The following DTNB variants were observed in gnomAD, a reference collection of about 807,000 sequenced individuals.
The protein encoded by DTNB is DTN-B.
A neutral mutation model predicts 90.7 loss-of-function variants in DTNB; 63 were observed. That is an observed-to-expected ratio of 0.69 (90% CI 0.57 to 0.86). The LOEUF (loss-of-function observed/expected upper bound fraction) is 0.86, where lower values mean the gene tolerates loss of function less well. Ranked by LOEUF, DTNB falls within the 40% of genes least tolerant of loss-of-function variation. DTNB has a pLI of 0.00. For missense variants in DTNB, 744 were observed against 807.1 expected, an observed-to-expected ratio of 0.92 and a Z score of 0.95; for synonymous variants, 277 against 286.7, an observed-to-expected ratio of 0.97 and a Z score of 0.34.
chr2:25,645,609 T>G (rs1298041409), intron 2 of DTNB, among the ~76,000 whole-genome samples: 1 of 152,012 alleles, frequency 6.6e-6, no homozygotes, highest in East Asian at 1.9e-4. Context: ...ACCTGGCTAA[T>G]TTTTGTATTT....
intron 16 of DTNB, among the ~76,000 whole-genome samples, chr2:25,408,112 C>A (rs2045675971): frequency 6.6e-6 from 1 of 151,874 alleles, no homozygotes; most frequent in African/African-American, 2.4e-5. Context: ...TCGAGACTAG[C>A]CTGACCAACG....
At chr2:25,599,914 T>C (rs766555651) in intron 5 of DTNB, among the ~76,000 whole-genome samples, 2 of 150,090 alleles carry the variant, frequency 1.3e-5, no homozygotes, top group African/African-American at 2.5e-5. Flanking sequence ...CTGGGCAAGA[T>C]AGCAGGACCT....
chr2:25,392,608 A>G (rs1319811372), intron 16 of DTNB, among the ~76,000 whole-genome samples: 1 of 152,244 alleles, frequency 6.6e-6, no homozygotes, highest in Non-Finnish European at 1.5e-5. Flanking sequence ...TAAAGTTACC[A>G]TGAACACCTT....
intron 1 of DTNB, among the ~76,000 whole-genome samples, chr2:25,668,632 TTAA>T (rs2085079484): frequency 6.6e-6 from 1 of 152,274 alleles, no homozygotes; most frequent in Non-Finnish European, 1.5e-5. Flanking sequence ...ATGCAAGATG[TTAA>T]TAATAGGAGA....
intron 4 of DTNB, among the ~76,000 whole-genome samples, chr2:25,618,920 CA>C: frequency 6.6e-6 from 1 of 152,266 alleles, no homozygotes. Context: ...AGCTCTGTGC[CA>C]AGCTAAGCAG....
At chr2:25,524,425 G>A (rs973948437) in intron 9 of DTNB, among the ~76,000 whole-genome samples, 2 of 149,722 alleles carry the variant, frequency 1.3e-5, no homozygotes, top group Admixed American at 6.6e-5. Context: ...TTTTTGGTGG[G>A]GGGGGTGGTC....
At chr2:25,548,961 C>T (rs964588086) in intron 8 of DTNB, among the ~76,000 whole-genome samples, 5 of 152,200 alleles carry the variant, frequency 3.3e-5, no homozygotes, top group African/African-American at 1.2e-4. Context: ...CTTGTGCTGA[C>T]ACCAATTCTT....
chr2:25,630,819 G>A (rs1391843252), intron 3 of DTNB, among the ~76,000 whole-genome samples: 1 of 138,790 alleles, frequency 7.2e-6, no homozygotes, highest in Non-Finnish European at 1.5e-5. Context: ...ACTCCAGCCT[G>A]GGCAACAAGA....
Position 25,556,357 on chromosome 2 carries a change from C to T in DTNB, c.876+20481G>A, listed in dbSNP as rs150846355. Among the ~76,000 whole-genome samples, 422 of 152,164 alleles carry T rather than the reference C, an allele frequency of 2.8e-3. 1 individual carries two copies. Among genetic ancestry groups the T allele is most frequent in the African/African-American group, 9.8e-3 (408 of 41,492 alleles). On this transcript the variant is annotated intron_variant, in intron 8 of 20. Transcript: ENST00000406818. The stretch of plus-strand genomic sequence containing the variant: ...CACCTGCATTTATCTATTCATACTC[C>T]TACCAAGAATCTTCAAGAGTTCTCC...
At chr2:25,427,474 G>A (rs557301120) in intron 15 of DTNB, 61 bp downstream of exon 15, 43 of 1,519,528 alleles carry the variant, frequency 2.8e-5, no homozygotes, top group Non-Finnish European at 3.7e-5. Flanking sequence ...CAGGGAGGCA[G>A]CAGCTGAGGC....
chr2:25,574,588 T>C (rs372304000), intron 8 of DTNB, among the ~76,000 whole-genome samples: 2 of 152,208 alleles, frequency 1.3e-5, no homozygotes, highest in East Asian at 3.8e-4. Flanking sequence ...GAAACATTTG[T>C]TCAAAACGTT....
chr2:25,482,872 G>A lies in DTNB; in HGVS notation c.1003C>T (p.Pro335Ser). 6.2e-7 allele frequency: 1 copy of A among 1,601,228 alleles called. No individual in the cohort carries two copies. Among genetic ancestry groups the A allele is most frequent in the South Asian group, 1.1e-5 (1 of 90,020 alleles). Residue 335 changes from proline to serine, a missense_variant and splice_region_variant, in exon 10 of 21, where the codon CCT becomes TCT. Pro to Ser is a moderately conservative substitution (Grantham distance 74). Transcript: ENST00000406818. ...EKPLDLAHIV[P>S]PRPLTNMNDT... Reference sequence around the variant, plus strand: ...TTCATATTAGTCAGAGGGCGAGGAGGACTGAAAGAAAAGACATTTACCTTA... The same window carrying A: ...TTCATATTAGTCAGAGGGCGAGGAGAACTGAAAGAAAAGACATTTACCTTA...
chr2:25,450,739 T>G (rs1358679283), intron 12 of DTNB, among the ~76,000 whole-genome samples: 2 of 152,238 alleles, frequency 1.3e-5, no homozygotes, highest in Non-Finnish European at 2.9e-5. Context: ...TTTACAGTTT[T>G]CAGACTTGAA....
intron 9 of DTNB, among the ~76,000 whole-genome samples, chr2:25,529,862 C>T (rs1429808226): frequency 1.3e-5 from 2 of 151,936 alleles, no homozygotes; most frequent in African/African-American, 4.8e-5. Flanking sequence ...TTATGGTTAT[C>T]GAAGAGAATA....
intron 6 of DTNB, among the ~76,000 whole-genome samples, chr2:25,592,941 T>C (rs551207290): frequency 3.1e-4 from 47 of 152,338 alleles, no homozygotes; most frequent in African/African-American, 1.1e-3. Flanking sequence ...TCCTTCTTCA[T>C]GAGACGAGCA....
intron 8 of DTNB, among the ~76,000 whole-genome samples, chr2:25,570,234 T>C (rs1308162640): frequency 6.6e-6 from 1 of 151,354 alleles, no homozygotes; most frequent in Admixed American, 6.6e-5. Flanking sequence ...TGGGCAAAAC[T>C]AGCAAAACAC....
At chr2:25,670,645 G>C (rs554324984) in intron 1 of DTNB, among the ~76,000 whole-genome samples, 1 of 151,748 alleles carries the variant, frequency 6.6e-6, no homozygotes, top group Non-Finnish European at 1.5e-5. Context: ...CCTAAAGCTG[G>C]GCAGAATACA....
chr2:25,549,659 C>T (rs969565075), intron 8 of DTNB, among the ~76,000 whole-genome samples: 1 of 152,046 alleles, frequency 6.6e-6, no homozygotes, highest in Non-Finnish European at 1.5e-5. Flanking sequence ...TTATTTGCTT[C>T]CTTCTTTTTT....
In DTNB at chr2:25,634,485, G is replaced by A. The variant is rs1257786177; in HGVS notation, c.148+4529C>T. 2.7e-5 allele frequency among the ~76,000 whole-genome samples: 4 copies of A among 147,960 alleles called. 1 individual carries two copies. On this transcript the variant is annotated intron_variant, in intron 3 of 20. Transcript: ENST00000406818. ...TCGCCCCGTCGGGGAGGTGAGGGGC[G>A]CCTCTGCCCGGCTGCCCCTACTGGG...
Sources: allele counts gnomAD v4.1 joint callset (sites outside exome capture counted in the v4.1 genomes callset), GRCh38; gene constraint gnomAD v4.1.1; transcripts MANE v1.5; gene names NCBI Gene and HGNC (gene_info 2026-07-23, HGNC 2026-07-21).